The following NKX6-1 variants were observed in gnomAD, a reference collection of about 807,000 sequenced individuals.
NKX6-1 encodes homeobox protein Nkx-6.1.
Under a neutral mutation model 24.9 loss-of-function variants are expected in NKX6-1, and 11 were observed. The observed-to-expected ratio is 0.44, with a 90% confidence interval of 0.28 to 0.73. The LOEUF (loss-of-function observed/expected upper bound fraction) is 0.73. NKX6-1 is among the 30% of genes least tolerant of loss of function. The pLI is 0.15. For synonymous variants in NKX6-1, 277 were observed against 242.9 expected (o/e 1.14, Z -1.31); for missense variants, 487 against 502.9 (o/e 0.97, Z 0.30).
intron 1 of NKX6-1, 32 bp from the exon 2 acceptor site, chr4:84,495,876 G>A: frequency 9.9e-6 from 16 of 1,608,796 alleles, no homozygotes; most frequent in Non-Finnish European, 1.4e-5. Flanking sequence ...GAGAGAGGGG[G>A]AAAAACAATC....
chr4:84,495,605 G>GTGTGTGTT (rs757565514), intron 2 of NKX6-1, 67 bp downstream of exon 2: 160 of 1,290,396 alleles, frequency 1.2e-4, no homozygotes, highest in Non-Finnish European at 1.6e-4. Context: ...GTGTGTGTGT[G>GTGTGTGTT]CCCATGTGTG....
Position 84,497,849 on chromosome 4 carries a change from G to A in NKX6-1, c.380C>T (p.Ser127Phe). The A allele has an allele frequency of 7.9e-7, 1 of 1,269,818 alleles. No individual in the cohort carries two copies. Among genetic ancestry groups the A allele is most frequent in the Non-Finnish European group, 9.9e-7 (1 of 1,010,818 alleles). 78.7% of individuals were successfully genotyped at this position (1,269,818 alleles called of 1,614,324 possible). ...SASPSGSSSSSSSSASASSAS... is the reference protein window; with the variant it reads ...SASPSGSSSSFSSSASASSAS... ...GGAGGAGGCAGAGGCGGACGAGGAA[G>A]AGGAGGAGGAGGAACCGGAGGGCGA... Residue 127 changes from serine to phenylalanine, a missense_variant, in exon 1 of 3, where the codon TCT (serine) becomes TTT (phenylalanine). Physicochemically the swap from Ser to Phe is radical, Grantham distance 155 (BLOSUM62 -2). This residue lies in a region of NKX6-1 where 316 missense variants were observed against 311.4 expected (regional missense o/e 1.01). Transcript: ENST00000295886. This position sits in a 1 kb window ranked among gnomAD's most constrained non-coding sequence, Gnocchi z 4.8.
In NKX6-1 at chr4:84,493,159, G is replaced by C. The variant is rs1207530750; in HGVS notation, c.*130C>G. Reference sequence around the variant, plus strand: ...ATGTACATCTCAAAAATAGCAAAGGGTCCCCGCAGGCAGGGCCGGGTCCTC... The same window carrying C: ...ATGTACATCTCAAAAATAGCAAAGGCTCCCCGCAGGCAGGGCCGGGTCCTC... On this transcript the variant is annotated 3_prime_UTR_variant, in exon 3 of 3. Coordinates refer to ENST00000295886, the MANE Select transcript of NKX6-1 (RefSeq NM_006168.3). This position sits in a 1 kb window ranked among gnomAD's most constrained non-coding sequence, Gnocchi z 5.1. The C allele has an allele frequency of 1.3e-6, 1 of 784,270 alleles. No homozygotes were observed. Among genetic ancestry groups the C allele is most frequent in the East Asian group, 3.4e-5 (1 of 29,644 alleles). The allele number at this position is 784,270 out of a possible 1,614,324, so 48.6% of individuals were successfully genotyped here. A position where few individuals can be genotyped will look rare whatever the true frequency, so the allele number is the denominator to read the frequency against.
Position 84,493,585 on chromosome 4 carries a change from G to C in NKX6-1, c.844-36C>G. On this transcript the variant is annotated intron_variant, in intron 2 of 2. Transcript: ENST00000295886. The surrounding 1 kb of genome is among the most constrained non-coding windows in gnomAD (Gnocchi z 5.1). ...AGAAAAGGGAGGAGAGGGGAGGCAA[G>C]GGCGAGGAATTAAACGAGCAGATCC... The C allele has an allele frequency of 6.2e-7, 1 of 1,611,704 alleles. No homozygotes were observed. Among genetic ancestry groups the C allele is most frequent in the Non-Finnish European group, 8.5e-7 (1 of 1,178,504 alleles).
In NKX6-1 at chr4:84,492,425, C is replaced by T. The variant is rs1158837178; in HGVS notation, c.*864G>A. On this transcript the variant is annotated 3_prime_UTR_variant, in exon 3 of 3. Transcript: ENST00000295886. ...CAGGTGAGAGGCCCTCCCTGGTTCC[C>T]ACGTCTTCCACTTCAAGTCCGGGGG... 6.6e-6 allele frequency: 1 copy of T among 151,466 alleles called. No homozygotes were observed. The highest frequency in any genetic ancestry group is 2.4e-5 in the African/African-American group (1 of 41,158). The allele number at this position is 151,466 out of a possible 1,614,324, so 9.4% of individuals were successfully genotyped here. A position where few individuals can be genotyped will look rare whatever the true frequency, so the allele number is the denominator to read the frequency against.
At position 84,493,134 on chromosome 4, in the gene NKX6-1, A is replaced by C; in HGVS notation, c.*155T>G. 5.2e-6 allele frequency: 3 copies of C among 580,572 alleles called. No individual in the cohort carries two copies. Among genetic ancestry groups the C allele is most frequent in the Non-Finnish European group, 8.0e-6 (3 of 376,186 alleles). The allele number at this position is 580,572 out of a possible 1,614,324, so 36.0% of individuals were successfully genotyped here. ...CAACTTCAAGGTTAAAAAAATAGAT[A>C]TGTACATCTCAAAAATAGCAAAGGG... On this transcript the variant is annotated 3_prime_UTR_variant, in exon 3 of 3. Transcript: ENST00000295886. The surrounding 1 kb of genome is among the most constrained non-coding windows in gnomAD (Gnocchi z 5.1).
rs781308729 is a variant in NKX6-1, at chr4:84,497,956, C to G, written c.273G>C (p.Ser91=). 9 of 1,299,762 alleles carry G rather than the reference C, an allele frequency of 6.9e-6. No individual in the cohort carries two copies. The highest frequency in any genetic ancestry group is 1.5e-5 in the African/African-American group (1 of 66,222). The allele number at this position is 1,299,762 out of a possible 1,614,324, so 80.5% of individuals were successfully genotyped here. A position where few individuals can be genotyped will look rare whatever the true frequency, so the allele number is the denominator to read the frequency against. Residue 91 remains serine, a synonymous_variant, in exon 1 of 3, where the codon TCG becomes TCC. Transcript: ENST00000295886. This position sits in a 1 kb window ranked among gnomAD's most constrained non-coding sequence, Gnocchi z 4.8. ...CGTTGATGCCGTGTGGGGTGGCGGC[C>G]GAGAGCTGCTGCGGGGGGCTGCCGA... ...SSLGSPPQQL[S]AATPHGINDI... is the part of the protein sequence containing the mutation.
At position 84,493,234 on chromosome 4, in the gene NKX6-1, C is replaced by T; in HGVS notation, c.*55G>A. The stretch of plus-strand genomic sequence containing the variant: ...CGGCGTGCACGCGGTCCCCGCGCCC[C>T]TCGCGGCCCCAGAGGTGGAGGCCGG... On this transcript the variant is annotated 3_prime_UTR_variant, in exon 3 of 3. Coordinates refer to ENST00000295886, the MANE Select transcript of NKX6-1 (RefSeq NM_006168.3). This position sits in a 1 kb window ranked among gnomAD's most constrained non-coding sequence, Gnocchi z 5.1. The T allele has an allele frequency of 2.8e-6, 4 of 1,426,596 alleles. No homozygotes were observed. Among genetic ancestry groups the T allele is most frequent in the Non-Finnish European group, 2.7e-6 (3 of 1,097,078 alleles). The allele number at this position is 1,426,596 out of a possible 1,614,324, so 88.4% of individuals were successfully genotyped here.
At chr4:84,496,165 C>T (rs1578468524) in intron 1 of NKX6-1, among the ~76,000 whole-genome samples, 1 of 152,154 alleles carries the variant, frequency 6.6e-6, no homozygotes, top group Non-Finnish European at 1.5e-5. Context: ...TTAACGACTG[C>T]CAGAAAAAGG....
chr4:84,495,887 G>A, intron 1 of NKX6-1, 43 bp from the exon 2 acceptor site: 2 of 1,597,116 alleles, frequency 1.3e-6, no homozygotes, highest in Non-Finnish European at 1.7e-6. Flanking sequence ...AAAAACAATC[G>A]GTTACAAGCG....
In NKX6-1 at chr4:84,497,889, C is replaced by T; in HGVS notation, c.340G>A (p.Ala114Thr). Residue 114 changes from alanine (A) to threonine (T), a missense_variant, in exon 1 of 3, where the codon GCC (alanine) becomes ACC (threonine). Transcript: ENST00000295886. The surrounding 1 kb of genome is among the most constrained non-coding windows in gnomAD (Gnocchi z 4.8). ...CCGGAGGGCGAGGCGGAGGGCAGGG[C>T]GGCCCCCGAGGCCACGGGCATGGAG... is the stretch of plus-strand genomic sequence containing the variant. ...RPSMPVASGAALPSASPSGSS... is the reference protein window; with the variant it reads ...RPSMPVASGATLPSASPSGSS... 2.3e-6 allele frequency: 3 copies of T among 1,281,344 alleles called. No individual in the cohort carries two copies. Among genetic ancestry groups the T allele is most frequent in the East Asian group, 2.9e-5 (1 of 34,070 alleles). The allele number at this position is 1,281,344 out of a possible 1,614,324, so 79.4% of individuals were successfully genotyped here.
rs1720845040 is a variant in NKX6-1 at position 84,497,571 on chromosome 4, C to T, written c.658G>A (p.Ala220Thr). 1 of 1,266,036 alleles carries T rather than the reference C, an allele frequency of 7.9e-7. No individual in the cohort carries two copies. Among genetic ancestry groups the T allele is most frequent in the East Asian group, 3.1e-5 (1 of 31,982 alleles). The allele number at this position is 1,266,036 out of a possible 1,614,324, so 78.4% of individuals were successfully genotyped here. A position where few individuals can be genotyped will look rare whatever the true frequency, so the allele number is the denominator to read the frequency against. Residue 220 changes from alanine (A) to threonine (T), a missense_variant, in exon 1 of 3, where the codon GCC becomes ACC. Physicochemically the swap from Ala to Thr is moderately conservative, Grantham distance 58 (BLOSUM62 0). Transcript: ENST00000295886. This position sits in a 1 kb window ranked among gnomAD's most constrained non-coding sequence, Gnocchi z 4.8. ...TGGTAGTACTCACGAGGGGTACAGG[C>T]CAGGCGTGCGTCCCTCCAGGGCGGG... ...QSPPWRDARL[A>T]CTPHQGSILL...
At chr4:84,494,728 C>T (rs1720786667) in intron 2 of NKX6-1, among the ~76,000 whole-genome samples, 2 of 152,152 alleles carry the variant, frequency 1.3e-5, no homozygotes, top group African/African-American at 4.8e-5. Context: ...TGATGGCTGT[C>T]CAGGGGGAAA....
rs776500100 is a variant in NKX6-1, at chr4:84,495,694, C to T, written c.821G>A (p.Gly274Glu). ...CACCTTGACCTGACTCTCTGTCATC[C>T]CCAACGAATAGGCCAAACGAGCCCT... ...PERARLAYSL[G>E]MTESQVKVWF... The change falls in exon 2 of 3, where the codon GGG (glycine) becomes GAG (glutamate). Residue 274 changes from glycine to glutamate, a missense_variant. This residue lies in a region of NKX6-1 where 45 missense variants were observed against 86.0 expected (regional missense o/e 0.52). Transcript: ENST00000295886. 2 of 1,612,368 alleles carry T rather than the reference C, an allele frequency of 1.2e-6. No homozygotes were observed. Among genetic ancestry groups the T allele is most frequent in the Non-Finnish European group, 1.7e-6 (2 of 1,180,028 alleles).
chr4:84,494,019 T>C (rs1273421602), intron 2 of NKX6-1, among the ~76,000 whole-genome samples: 4 of 152,164 alleles, frequency 2.6e-5, no homozygotes, highest in Non-Finnish European at 4.4e-5. Context: ...CGGTATAGAT[T>C]GTGGGGGGAA....
chr4:84,497,112 C>A lies in NKX6-1; in HGVS notation c.670+447G>T, dbSNP rs1489673129. ...GAAGAGAGGCAGCGGGTTAGGCTGGCGAAGGCGGAATGGGGCGCTGGACGA... is the reference window on the plus strand; with the variant it reads ...GAAGAGAGGCAGCGGGTTAGGCTGGAGAAGGCGGAATGGGGCGCTGGACGA... On this transcript the variant is annotated intron_variant, in intron 1 of 2. Transcript: ENST00000295886. The surrounding 1 kb of genome is among the most constrained non-coding windows in gnomAD (Gnocchi z 4.8). Among the ~76,000 whole-genome samples the A allele has an allele frequency of 6.6e-6, 1 of 152,128 alleles. No homozygotes were observed. Among genetic ancestry groups the A allele is most frequent in the East Asian group, 1.9e-4 (1 of 5,150 alleles).
Position 84,493,424 on chromosome 4 carries a change from G to C in NKX6-1, c.969C>G (p.Asp323Glu). The stretch of plus-strand genomic sequence containing the variant: ...GATCCAGAGGCTTATTGTAGTCGTC[G>C]TCCTCTTCCTCGTTCTCCGAGGCCC... Reference protein sequence around the residue: ...LKGASENEEEDDDYNKPLDPN... With the variant: ...LKGASENEEEEDDYNKPLDPN... Residue 323 changes from aspartate to glutamate, a missense_variant, in exon 3 of 3, where the codon GAC becomes GAG. Around this residue, in one of 3 missense-constraint regions of NKX6-1, gnomAD observed 126 missense variants for 105.5 expected, o/e 1.19. Coordinates refer to ENST00000295886, the MANE Select transcript of NKX6-1 (RefSeq NM_006168.3). This position sits in a 1 kb window ranked among gnomAD's most constrained non-coding sequence, Gnocchi z 5.1. The C allele has an allele frequency of 6.2e-7, 1 of 1,614,228 alleles. No homozygotes were observed. Among genetic ancestry groups the C allele is most frequent in the Non-Finnish European group, 8.5e-7 (1 of 1,180,038 alleles).
chr4:84,498,334 C>T lies in NKX6-1; in HGVS notation c.-106G>A. ...CGCCGAGGGCGCGAGCGGAGAGGCA[C>T]TCGGCGCGCCCGGAGGCGAGCTGCC... On this transcript the variant is annotated 5_prime_UTR_variant, in exon 1 of 3. It adds an upstream start codon to the 5' untranslated region. Transcript: ENST00000295886. 3 of 1,211,126 alleles carry T rather than the reference C, an allele frequency of 2.5e-6. No individual in the cohort carries two copies. Among genetic ancestry groups the T allele is most frequent in the Non-Finnish European group, 3.1e-6 (3 of 963,568 alleles). 75.0% of individuals were successfully genotyped at this position (1,211,126 alleles called of 1,614,324 possible). A position where few individuals can be genotyped will look rare whatever the true frequency, so the allele number is the denominator to read the frequency against.
Position 84,497,732 on chromosome 4 carries a change from A to C in NKX6-1, c.497T>G (p.Leu166Arg). ...CCCGGGCGGCGGCGGCGGCGGGCTC[A>C]GGCTGCTAAAGCGTGGCAGTCCGGC... Reference protein sequence around the residue: ...LLAGLPRFSSLSPPPPPPGLY... With the variant: ...LLAGLPRFSSRSPPPPPPGLY... The change falls in exon 1 of 3, where the codon CTG becomes CGG. Residue 166 changes from leucine (L) to arginine (R), a missense_variant. Leu to Arg is a moderately radical substitution (Grantham distance 102). Around this residue, in one of 3 missense-constraint regions of NKX6-1, gnomAD observed 316 missense variants for 311.4 expected, o/e 1.01. Coordinates refer to ENST00000295886, the MANE Select transcript of NKX6-1 (RefSeq NM_006168.3). This position sits in a 1 kb window ranked among gnomAD's most constrained non-coding sequence, Gnocchi z 4.8. 7.8e-7 allele frequency: 1 copy of C among 1,274,184 alleles called. No individual in the cohort carries two copies. The highest frequency in any genetic ancestry group is 1.6e-5 in the African/African-American group (1 of 64,512). 78.9% of individuals were successfully genotyped at this position (1,274,184 alleles called of 1,614,324 possible).
Sources: gnomAD v4.1 joint callset for allele counts (sites outside exome capture counted in the v4.1 genomes callset) on GRCh38, gnomAD v4.1.1 for gene constraint, gnomAD v4.1.1 regional missense constraint, Gnocchi (gnomAD v3.1) non-coding constraint, MANE v1.5 for transcripts, NCBI Gene and HGNC (gene_info 2026-07-23, HGNC 2026-07-21) for gene names.